The following MGST1 variants were observed in gnomAD, a reference collection of about 807,000 sequenced individuals.
MGST1 encodes the protein glutathione S-transferase 12.
Under a neutral mutation model 8.9 loss-of-function variants are expected in MGST1, and 5 were observed. The observed-to-expected ratio is 0.56, with a 90% CI of 0.29 to 1.19. The LOEUF is 1.19. Ranked by LOEUF, MGST1 falls within the 50% of genes most tolerant of loss-of-function variation. MGST1 has a pLI of 0.08. For missense variants in MGST1, 182 were observed against 187.4 expected, an observed-to-expected ratio of 0.97 and a Z score of 0.17; for synonymous variants, 54 against 67.8, an observed-to-expected ratio of 0.80 and a Z score of 1.00.
chr12:16,366,196 C>G (rs1472690266), downstream of MGST1, among the ~76,000 whole-genome samples: 1 of 152,146 alleles, frequency 6.6e-6, no homozygotes, highest in Non-Finnish European at 1.5e-5. This position sits in a 1 kb window ranked among gnomAD's most constrained non-coding sequence, Gnocchi z 4.0. Context: ...TGTATATGAG[C>G]AGAACACACG....
rs113458080 is a variant in MGST1, at chr12:16,390,045, G to A, written n.778+6441G>A. On this transcript the variant is annotated intron_variant and non_coding_transcript_variant, in intron 1 of 1. Coordinates refer to the MGST1 transcript ENST00000359720. ...ATATGTTCACATTTATGTGGCAAGCGCTCCAAAAGGGAGGCCCTAAATACA... is the reference window on the plus strand; with the variant it reads ...ATATGTTCACATTTATGTGGCAAGCACTCCAAAAGGGAGGCCCTAAATACA... 5.9e-5 allele frequency among the ~76,000 whole-genome samples: 9 copies of A among 152,226 alleles called. No individual in the cohort carries two copies. The East Asian group carries it at 1.4e-3, about 23-fold the overall frequency.
chr12:16,354,623 A>G, intron 2 of MGST1: 1 of 284,110 alleles, frequency 3.5e-6, no homozygotes, highest in Non-Finnish European at 6.4e-6. Context: ...TGCTAAGCAG[A>G]TGAGATATTC....
At chr12:16,464,075 A>G (rs1330180994) in intron 4 of MGST1, among the ~76,000 whole-genome samples, 1 of 152,196 alleles carries the variant, frequency 6.6e-6, no homozygotes, top group Non-Finnish European at 1.5e-5. Flanking sequence ...CAGTTACTTG[A>G]CTGTTATACT....
At chr12:16,479,727 G>A (rs985270717) in intron 4 of MGST1, among the ~76,000 whole-genome samples, 2 of 151,602 alleles carry the variant, frequency 1.3e-5, no homozygotes, top group African/African-American at 4.9e-5. Context: ...TAGAGATGAA[G>A]GTCTCACTGT....
chr12:16,403,798 G>A (rs1381886183), intron 1 of MGST1, among the ~76,000 whole-genome samples: 3 of 152,158 alleles, frequency 2.0e-5, no homozygotes, highest in East Asian at 1.9e-4. Flanking sequence ...TATTCTGAGC[G>A]AAGGAAGAAG....
Position 16,528,369 on chromosome 12 carries a change from CAATA to C in MGST1, n.483-61156_483-61153del, listed in dbSNP as rs140146648. Among the ~76,000 whole-genome samples, 1,327 of 151,708 alleles carry C rather than the reference CAATA, an allele frequency of 8.7e-3. 53 individuals carry two copies. In the East Asian group the frequency reaches 0.14, roughly 16 times the overall value. ...AGAGTTGTCTTATAGAGTGCAAGGA[CAATA>C]AAAATGAATATAAAAGTAAACATTG... On this transcript the variant is annotated intron_variant and non_coding_transcript_variant, in intron 4 of 4. Transcript: ENST00000538857.
At position 16,358,807 on chromosome 12, in the gene MGST1, T is replaced by A. The variant is rs1383573421; in HGVS notation, c.221+1108T>A. On this transcript the variant is annotated intron_variant, in intron 3 of 3. Coordinates refer to ENST00000396210, the MANE Select transcript of MGST1 (RefSeq NM_020300.5). ...TTTTTTTTTTTTTTTTTTTTTTTTT[T>A]TACAGCTGTGTAGTATTCCATGGTG... is the stretch of plus-strand genomic sequence containing the variant. 1.6e-4 allele frequency among the ~76,000 whole-genome samples: 16 copies of A among 100,922 alleles called. No individual in the cohort carries two copies. The South Asian group carries it at 3.8e-3, about 24-fold the overall frequency. 66.2% of individuals were successfully genotyped at this position (100,922 alleles called of 152,430 possible).
chr12:16,427,103 G>A (rs1012820181), intron 1 of MGST1, among the ~76,000 whole-genome samples: 1 of 151,970 alleles, frequency 6.6e-6, no homozygotes, highest in Non-Finnish European at 1.5e-5. Context: ...TTGACAATTT[G>A]CAGTCTGGCA....
chr12:16,419,543 T>C (rs900384362), intron 1 of MGST1, among the ~76,000 whole-genome samples: 1 of 152,210 alleles, frequency 6.6e-6, no homozygotes, highest in Admixed American at 6.5e-5. Context: ...ATGCTATCTG[T>C]AAGATACTGT....
chr12:16,401,808 A>G lies in MGST1; in HGVS notation n.778+18204A>G. The stretch of plus-strand genomic sequence containing the variant: ...TCAAACTTTCTCATCTGCATCAACT[A>G]TTTCCATGACTCTTTCCTTGAAGAA... On this transcript the variant is annotated intron_variant and non_coding_transcript_variant, in intron 1 of 1. Coordinates refer to the MGST1 transcript ENST00000359720. The surrounding 1 kb of genome is among the most constrained non-coding windows in gnomAD (Gnocchi z 4.3). The G allele has an allele frequency of 6.2e-7, 1 of 1,603,946 alleles. No individual in the cohort carries two copies. Among genetic ancestry groups the G allele is most frequent in the Non-Finnish European group, 8.5e-7 (1 of 1,170,740 alleles).
chr12:16,578,095 G>A (rs979498918), intron 4 of MGST1, among the ~76,000 whole-genome samples: 4 of 152,012 alleles, frequency 2.6e-5, no homozygotes, highest in Non-Finnish European at 5.9e-5. Flanking sequence ...CATTGCTCAC[G>A]GCACCTCATC....
At chr12:16,592,153 T>A (rs556871722), downstream of MGST1, among the ~76,000 whole-genome samples, 1 of 152,144 alleles carries the variant, frequency 6.6e-6, no homozygotes, top group South Asian at 2.1e-4. Flanking sequence ...TATTTCACAT[T>A]CATTATTTAT....
At chr12:16,366,574 T>C (rs1940192002), downstream of MGST1, among the ~76,000 whole-genome samples, 3 of 152,014 alleles carry the variant, frequency 2.0e-5, no homozygotes, top group South Asian at 6.2e-4. The surrounding 1 kb of genome is among the most constrained non-coding windows in gnomAD (Gnocchi z 4.0). Context: ...TTCTGCTACT[T>C]AATTTGAAAA....
chr12:16,508,159 C>A (rs1446602343), intron 4 of MGST1, among the ~76,000 whole-genome samples: 1 of 152,106 alleles, frequency 6.6e-6, no homozygotes, highest in Non-Finnish European at 1.5e-5. Context: ...ACTCCTAAAA[C>A]CCTATGAAGA....
At chr12:16,452,209 A>G (rs985746964) in intron 4 of MGST1, among the ~76,000 whole-genome samples, 23 of 151,890 alleles carry the variant, frequency 1.5e-4, no homozygotes, top group Admixed American at 6.6e-5. Context: ...AAGATAGCCA[A>G]TTAGAAGGAA....
intron 1 of MGST1, chr12:16,402,242 T>C: frequency 6.3e-7 from 1 of 1,587,954 alleles, no homozygotes; most frequent in South Asian, 1.1e-5. Flanking sequence ...TATCAGTTAG[T>C]TCATAACCAA....
intron 1 of MGST1, among the ~76,000 whole-genome samples, chr12:16,418,606 C>T (rs910304570): frequency 1.3e-5 from 2 of 152,112 alleles, no homozygotes; most frequent in South Asian, 2.1e-4. Context: ...AGAGACTATA[C>T]ATTCACTGAG....
At chr12:16,397,765 TAATC>T (rs1028243270) in intron 1 of MGST1, among the ~76,000 whole-genome samples, 25 of 141,106 alleles carry the variant, frequency 1.8e-4, no homozygotes, top group Non-Finnish European at 3.2e-4. Context: ...CTGAACTTCT[TAATC>T]AATAGTATCT....
At position 16,458,653 on chromosome 12, in the gene MGST1, G is replaced by T. The variant is rs1218960387; in HGVS notation, n.482+75049G>T. On this transcript the variant is annotated intron_variant and non_coding_transcript_variant, in intron 4 of 4. Coordinates refer to the MGST1 transcript ENST00000538857. The surrounding 1 kb of genome is among the most constrained non-coding windows in gnomAD (Gnocchi z 4.0). ...AATGAAATTATATATTATAAACATG[G>T]AATATCAGTAGGTAGGCAGTTGAGT... Among the ~76,000 whole-genome samples, 4 of 152,018 alleles carry T rather than the reference G, an allele frequency of 2.6e-5. No homozygotes were observed. Among genetic ancestry groups the T allele is most frequent in the South Asian group, 2.1e-4 (1 of 4,830 alleles).
Sources: allele counts gnomAD v4.1 joint callset (sites outside exome capture counted in the v4.1 genomes callset), GRCh38; gene constraint gnomAD v4.1.1; non-coding constraint Gnocchi (gnomAD v3.1); transcripts MANE v1.5; gene names NCBI Gene and HGNC (gene_info 2026-07-23, HGNC 2026-07-21).